JPH2: variants seen among roughly 807,000 people sequenced by gnomAD.
The protein encoded by JPH2 is junctophilin-2.
A neutral mutation model predicts 55.9 loss-of-function variants in JPH2; 38 were observed. That is an observed-to-expected ratio of 0.68 (90% CI 0.52 to 0.89). The LOEUF (loss-of-function observed/expected upper bound fraction) is 0.89. Among genes scored for constraint, JPH2 ranks in the 40% least tolerant of loss-of-function variants. JPH2 has a pLI of 0.00. For synonymous variants in JPH2, 480 were observed against 472.4 expected (o/e 1.02, Z -0.21); for missense variants, 964 against 1,037.6 (o/e 0.93, Z 0.97).
At chr20:44,176,389 C>G (rs1416507973) in intron 1 of JPH2, among the ~76,000 whole-genome samples, 2 of 143,880 alleles carry the variant, frequency 1.4e-5, no homozygotes, top group Non-Finnish European at 3.0e-5. Flanking sequence ...AACTCCTGGG[C>G]TCAAGCAATC....
rs540322785 is a variant in JPH2 at position 44,175,629 on chromosome 20, T to A, written c.379+10698A>T. 4.1e-3 allele frequency among the ~76,000 whole-genome samples: 631 copies of A among 152,316 alleles called. 2 individuals carry two copies. The highest frequency in any genetic ancestry group is 6.7e-3 in the Non-Finnish European group (459 of 68,020). ...GCAGGGTCAGGTTGCAGCGGGTGGA[T>A]GACAAGTCCCTGAGCCCGCAAGGCT... On this transcript the variant is annotated intron_variant, in intron 1 of 5. Transcript: ENST00000372980.
intron 2 of JPH2, among the ~76,000 whole-genome samples, chr20:44,136,605 G>A (rs559235916): frequency 3.3e-4 from 50 of 152,128 alleles, no homozygotes; most frequent in African/African-American, 1.1e-3. Flanking sequence ...TATATAACCC[G>A]TCAAATCCAC....
chr20:44,167,283 GC>G (rs1481460129), intron 1 of JPH2, among the ~76,000 whole-genome samples: 1 of 152,180 alleles, frequency 6.6e-6, no homozygotes, highest in Non-Finnish European at 1.5e-5. Context: ...GAGGGAGGAA[GC>G]TTTGTCTACC....
chr20:44,177,922 T>C (rs759441546), intron 1 of JPH2: 31 of 1,458,052 alleles, frequency 2.1e-5, no homozygotes, highest in South Asian at 1.9e-4. Context: ...AGTGCTTCAT[T>C]GTCTTGTTTC....
At chr20:44,130,580 C>T (rs959455647) in intron 2 of JPH2, among the ~76,000 whole-genome samples, 1 of 152,240 alleles carries the variant, frequency 6.6e-6, no homozygotes, top group African/African-American at 2.4e-5. Context: ...GAGTAGTGGA[C>T]CCTGCAGTTC....
At chr20:44,119,193 T>A (rs187179361) in intron 2 of JPH2, among the ~76,000 whole-genome samples, 234 of 152,346 alleles carry the variant, frequency 1.5e-3, no homozygotes, top group African/African-American at 5.2e-3. Flanking sequence ...TATAATCACA[T>A]TAAACAAAAT....
intron 2 of JPH2, among the ~76,000 whole-genome samples, chr20:44,149,065 C>CA (rs578078047): frequency 0.22 from 26,587 of 123,130 alleles, 2,837 homozygotes; most frequent in African/African-American, 0.33. Context: ...GACTCCGTCT[C>CA]AAAAAAAAAA....
At chr20:44,123,457 G>A (rs964618711) in intron 2 of JPH2, among the ~76,000 whole-genome samples, 2 of 152,136 alleles carry the variant, frequency 1.3e-5, no homozygotes, top group Non-Finnish European at 2.9e-5. Flanking sequence ...CCACACACCC[G>A]TGGCCTCACC....
intron 2 of JPH2, among the ~76,000 whole-genome samples, chr20:44,140,106 C>T (rs916972310): frequency 3.9e-5 from 6 of 152,224 alleles, no homozygotes; most frequent in Admixed American, 1.3e-4. Flanking sequence ...CTCCTGACCT[C>T]GTGATCTGCC....
At chr20:44,131,751 A>G (rs1324260558) in intron 2 of JPH2, among the ~76,000 whole-genome samples, 2 of 152,160 alleles carry the variant, frequency 1.3e-5, no homozygotes, top group Non-Finnish European at 2.9e-5. Context: ...TCATCTACAT[A>G]TTTTTGTGCT....
chr20:44,180,990 T>G (rs2072778237), intron 1 of JPH2, among the ~76,000 whole-genome samples: 1 of 151,580 alleles, frequency 6.6e-6, no homozygotes, highest in Non-Finnish European at 1.5e-5. Flanking sequence ...ATGCTTTAAG[T>G]CAGCAGCTGT....
In JPH2 at chr20:44,115,106, C is replaced by T. The variant is rs567959330; in HGVS notation, c.2011-230G>A. Reference sequence around the variant, plus strand: ...GACCCAGGGAGGGACAAGATCATGCCCCAAGTCATATAGTGTGTGAATCAG... The same window carrying T: ...GACCCAGGGAGGGACAAGATCATGCTCCAAGTCATATAGTGTGTGAATCAG... On this transcript the variant is annotated intron_variant, in intron 4 of 5. Transcript: ENST00000372980. 1.1e-3 allele frequency among the ~76,000 whole-genome samples: 171 copies of T among 152,198 alleles called. 1 individual carries two copies. Among genetic ancestry groups the T allele is most frequent in the African/African-American group, 4.0e-3 (165 of 41,508 alleles).
intron 1 of JPH2, among the ~76,000 whole-genome samples, chr20:44,162,791 C>CACAT (rs1246686544): frequency 1.5e-5 from 1 of 66,756 alleles, no homozygotes; most frequent in African/African-American, 5.5e-5. Context: ...TATATATACA[C>CACAT]ACACACACAC....
intron 1 of JPH2, among the ~76,000 whole-genome samples, chr20:44,169,702 G>A (rs2072683223): frequency 6.6e-6 from 1 of 152,106 alleles, no homozygotes; most frequent in Non-Finnish European, 1.5e-5. Context: ...CGGTGCTACG[G>A]TTTAATGTTT....
rs569709682 is a variant in JPH2 at position 44,160,052 on chromosome 20, A to G, written c.735T>C (p.Arg245=). ...TGAGGTCGCTCTTAAGGAAGCTGAC[A>G]CGGCTGCGCTGGCTACCCACGGACG... ...SRTSVGSQRS[R]VSFLKSDLSS... The change falls in exon 2 of 6, where the codon CGT becomes CGC. Residue 245 remains arginine (R), a synonymous_variant. Transcript: ENST00000372980. This position sits in a 1 kb window ranked among gnomAD's most constrained non-coding sequence, Gnocchi z 4.9. The G allele has an allele frequency of 2.3e-5, 35 of 1,547,206 alleles. No homozygotes were observed. The South Asian group carries it at 4.0e-4, about 18-fold the overall frequency.
intron 4 of JPH2, among the ~76,000 whole-genome samples, chr20:44,115,159 C>T (rs922043490): frequency 1.3e-5 from 2 of 152,138 alleles, no homozygotes; most frequent in African/African-American, 2.4e-5. Flanking sequence ...CCTGCTAATT[C>T]CCCTTGGGAC....
intron 1 of JPH2, among the ~76,000 whole-genome samples, chr20:44,175,907 G>T (rs932846796): frequency 4.6e-5 from 7 of 152,164 alleles, no homozygotes; most frequent in African/African-American, 1.7e-4. Flanking sequence ...ACCTACCTGT[G>T]CACAGGCCTG....
At chr20:44,153,269 T>C (rs1233805536) in intron 2 of JPH2, among the ~76,000 whole-genome samples, 1 of 152,246 alleles carries the variant, frequency 6.6e-6, no homozygotes, top group Non-Finnish European at 1.5e-5. Flanking sequence ...CTACTTCTTT[T>C]ACTCTCTGCA....
chr20:44,148,493 T>C (rs2072507922), intron 2 of JPH2, among the ~76,000 whole-genome samples: 1 of 152,142 alleles, frequency 6.6e-6, no homozygotes, highest in South Asian at 2.1e-4. Flanking sequence ...AAAGGGAGTG[T>C]GGTGAGGAAA....
Sources: gnomAD v4.1 joint callset for allele counts (sites outside exome capture counted in the v4.1 genomes callset) on GRCh38, gnomAD v4.1.1 for gene constraint, Gnocchi (gnomAD v3.1) non-coding constraint, MANE v1.5 for transcripts, NCBI Gene and HGNC (gene_info 2026-07-23, HGNC 2026-07-21) for gene names.